The following MCU variants were observed in gnomAD, a reference collection of about 807,000 sequenced individuals.
The protein encoded by MCU is calcium uniporter protein, mitochondrial.
In MCU, 12 loss-of-function variants were observed where a neutral mutation model predicts 45.2. That is an observed-to-expected ratio of 0.27 (90% CI 0.17 to 0.43). The LOEUF (loss-of-function observed/expected upper bound fraction) is 0.43, where lower values mean the gene tolerates loss of function less well. Among genes scored for constraint, MCU ranks in the 20% least tolerant of loss-of-function variants. MCU has a pLI of 1.00. For synonymous variants in MCU, 160 were observed against 165.1 expected, an observed-to-expected ratio of 0.97 and a Z score of 0.24; for missense variants, 324 against 436.7, an observed-to-expected ratio of 0.74 and a Z score of 2.30.
chr10:72,861,304 G>A (rs1417590598), intron 4 of MCU, among the ~76,000 whole-genome samples: 1 of 152,048 alleles, frequency 6.6e-6, no homozygotes, highest in Non-Finnish European at 1.5e-5. Flanking sequence ...GCGATTACAG[G>A]CATGAACCAC....
At chr10:72,733,843 T>C (rs1843214403) in intron 1 of MCU, among the ~76,000 whole-genome samples, 2 of 151,798 alleles carry the variant, frequency 1.3e-5, no homozygotes, top group African/African-American at 4.8e-5. Flanking sequence ...TTGTTTGTTT[T>C]AAAGAATTAA....
At chr10:72,803,451 A>T (rs540478440) in intron 1 of MCU, among the ~76,000 whole-genome samples, 2 of 151,980 alleles carry the variant, frequency 1.3e-5, no homozygotes, top group South Asian at 4.2e-4. Context: ...TGGCCTGTTT[A>T]ATTTGTTCTG....
chr10:72,784,995 T>C (rs1460137451), intron 1 of MCU, among the ~76,000 whole-genome samples: 1 of 152,204 alleles, frequency 6.6e-6, no homozygotes, highest in Non-Finnish European at 1.5e-5. Flanking sequence ...TCAAGGAGAA[T>C]CTTGCGTTGT....
intron 1 of MCU, among the ~76,000 whole-genome samples, chr10:72,819,727 C>CTTTTTTT (rs71021538): frequency 2.7e-4 from 28 of 102,578 alleles, no homozygotes; most frequent in Non-Finnish European, 3.8e-4. Context: ...TTTTTCCAGT[C>CTTTTTTT]TTTTTTTTTT....
At chr10:72,775,894 G>GTGACTCATACCTGTAATCC (rs1335118922) in intron 1 of MCU, among the ~76,000 whole-genome samples, 1 of 152,196 alleles carries the variant, frequency 6.6e-6, no homozygotes, top group African/African-American at 2.4e-5. Context: ...GCCAGGTGCA[G>GTGACTCATACCTGTAATCC]TGACTCATAC....
chr10:72,801,744 T>G (rs1482357230), intron 1 of MCU, among the ~76,000 whole-genome samples: 1 of 151,124 alleles, frequency 6.6e-6, no homozygotes, highest in African/African-American at 2.4e-5. Context: ...TGATCTTGGC[T>G]CACTGCAACC....
In MCU at chr10:72,804,061, TATATATATATATAA is replaced by T. The variant is rs201339953; in HGVS notation, c.151-30296_151-30283del. Among the ~76,000 whole-genome samples, 186 of 75,260 alleles carry T rather than the reference TATATATATATATAA, an allele frequency of 2.5e-3. 8 individuals carry two copies. The highest frequency in any genetic ancestry group is 0.011 in the African/African-American group (169 of 14,696). The allele number at this position is 75,260 out of a possible 152,430, so 49.4% of individuals were successfully genotyped here. A position where few individuals can be genotyped will look rare whatever the true frequency, so the allele number is the denominator to read the frequency against. On this transcript the variant is annotated intron_variant, in intron 1 of 7. Coordinates refer to ENST00000373053, the MANE Select transcript of MCU (RefSeq NM_138357.3). ...ATATATATATATATATATATATATATATATATATATATAAAATAAGAGTGCCAACAATTTACATT... is the reference window on the plus strand; with the variant it reads ...ATATATATATATATATATATATATATAATAAGAGTGCCAACAATTTACATT...
intron 1 of MCU, among the ~76,000 whole-genome samples, chr10:72,737,697 TTTAGTAGAGATGGGGTTTCACCA>T (rs1477162225): frequency 6.6e-6 from 1 of 152,006 alleles, no homozygotes; most frequent in East Asian, 1.9e-4. Context: ...TTTTTGTGTT[TTTAGTAGAGATGGGGTTTCACCA>T]TGTCGGTCAG....
chr10:72,728,492 CAT>C (rs976126204), intron 1 of MCU, among the ~76,000 whole-genome samples: 116 of 152,222 alleles, frequency 7.6e-4, no homozygotes, highest in African/African-American at 2.7e-3. Context: ...TAAGCTGAGA[CAT>C]ATATGACAAG....
At chr10:72,806,433 T>A (rs1171827546) in intron 1 of MCU, among the ~76,000 whole-genome samples, 1 of 152,184 alleles carries the variant, frequency 6.6e-6, no homozygotes, top group Non-Finnish European at 1.5e-5. Flanking sequence ...GTGCTGGAAT[T>A]ACAGGCGTGA....
intron 5 of MCU, 59 bp downstream of exon 5, chr10:72,868,922 G>A: frequency 1.3e-6 from 2 of 1,539,208 alleles, no homozygotes; most frequent in South Asian, 2.4e-5. Context: ...GAGCATATAT[G>A]TTTCTGTTTT....
chr10:72,705,283 A>G (rs1842805719), intron 1 of MCU, among the ~76,000 whole-genome samples: 1 of 152,228 alleles, frequency 6.6e-6, no homozygotes, highest in Non-Finnish European at 1.5e-5. Context: ...TAAAATTTAT[A>G]TATCAAAAAT....
Position 72,856,376 on chromosome 10 carries a change from A to G in MCU, c.221-2801A>G, listed in dbSNP as rs568402020. Among the ~76,000 whole-genome samples the G allele has an allele frequency of 2.7e-4, 41 of 152,270 alleles. 2 individuals are homozygous for G. In the East Asian group the frequency reaches 3.5e-3, roughly 13 times the overall value. ...TTTGTTATTTATAAACTATGTCTCA[A>G]TTAGGTTTATTTCTTGAAAATTCAA... On this transcript the variant is annotated intron_variant, in intron 2 of 7. Coordinates refer to ENST00000373053, the MANE Select transcript of MCU (RefSeq NM_138357.3).
intron 1 of MCU, among the ~76,000 whole-genome samples, chr10:72,805,095 T>TGCTTTC (rs1844412674): frequency 7.2e-6 from 1 of 138,898 alleles, no homozygotes; most frequent in Admixed American, 7.1e-5. Context: ...CTTTCTTTCT[T>TGCTTTC]TCTTTCTCTT....
chr10:72,874,160 A>G (rs1845586975), intron 6 of MCU, among the ~76,000 whole-genome samples: 1 of 152,126 alleles, frequency 6.6e-6, no homozygotes, highest in Non-Finnish European at 1.5e-5. Context: ...TTTGATAGGG[A>G]ATGCATCAAA....
chr10:72,739,930 C>A (rs1843303031), intron 1 of MCU, among the ~76,000 whole-genome samples: 1 of 151,964 alleles, frequency 6.6e-6, no homozygotes, highest in Non-Finnish European at 1.5e-5. Flanking sequence ...CCTGCCTCAG[C>A]CTCCCAAAGT....
intron 1 of MCU, among the ~76,000 whole-genome samples, chr10:72,801,674 CTTTTTTTTTTT>C (rs767524519): frequency 7.4e-6 from 1 of 134,424 alleles, no homozygotes; most frequent in African/African-American, 2.7e-5. Flanking sequence ...CTCTTTTTTT[CTTTTTTTTTTT>C]TTTTAATACG....
chr10:72,765,002 AG>A (rs1343780312), intron 1 of MCU, among the ~76,000 whole-genome samples: 2 of 151,920 alleles, frequency 1.3e-5, no homozygotes, highest in Non-Finnish European at 2.9e-5. Flanking sequence ...CTGTAATCTC[AG>A]CACTTTGGGA....
chr10:72,790,216 A>T (rs1490415515), intron 1 of MCU, among the ~76,000 whole-genome samples: 1 of 152,222 alleles, frequency 6.6e-6, no homozygotes, highest in East Asian at 1.9e-4. Flanking sequence ...TAGGTCTAGT[A>T]TCTGTTTTTC....
Sources: allele counts gnomAD v4.1 joint callset (sites outside exome capture counted in the v4.1 genomes callset), GRCh38; gene constraint gnomAD v4.1.1; transcripts MANE v1.5; gene names NCBI Gene and HGNC (gene_info 2026-07-23, HGNC 2026-07-21).